The following ZNF609 variants were observed in gnomAD, a reference collection of about 807,000 sequenced individuals.
ZNF609 encodes the protein zinc finger protein 609.
A neutral mutation model predicts 109.5 loss-of-function variants in ZNF609; 11 were observed. The observed-to-expected ratio is 0.10, with a 90% CI of 0.06 to 0.17. The LOEUF is 0.17. ZNF609 is among the 10% of genes least tolerant of loss of function. The pLI, the probability that ZNF609 is intolerant of heterozygous loss-of-function variation, is 1.00. For missense variants in ZNF609, 1,559 were observed against 1,772.4 expected, an observed-to-expected ratio of 0.88 and a Z score of 2.16; for synonymous variants, 646 against 662.0, an observed-to-expected ratio of 0.98 and a Z score of 0.37.
At chr15:64,473,057 A>T (rs1893112584) in intron 1 of ZNF609, among the ~76,000 whole-genome samples, 1 of 152,050 alleles carries the variant, frequency 6.6e-6, no homozygotes, top group African/African-American at 2.4e-5. Flanking sequence ...GAAGGGAAGA[A>T]ATTTGTTTCT....
chr15:64,670,522 C>A (rs1323589209), intron 4 of ZNF609, 89 bp downstream of exon 4: 2 of 1,124,450 alleles, frequency 1.8e-6, no homozygotes, highest in East Asian at 2.4e-5. Context: ...AGTTGTACAT[C>A]CAGCTTTTAA....
chr15:64,658,941 A>AT (rs1567041322), intron 3 of ZNF609, among the ~76,000 whole-genome samples: 1 of 152,140 alleles, frequency 6.6e-6, no homozygotes, highest in Non-Finnish European at 1.5e-5. Context: ...TATAAATAGT[A>AT]TTTTTAATGG....
At chr15:64,467,673 T>C (rs914406169) in intron 1 of ZNF609, among the ~76,000 whole-genome samples, 3 of 152,146 alleles carry the variant, frequency 2.0e-5, no homozygotes, top group African/African-American at 7.2e-5. Context: ...GGTGAAATCC[T>C]GTCTCTACTA....
At chr15:64,632,177 C>T (rs1486984492) in intron 3 of ZNF609, among the ~76,000 whole-genome samples, 1 of 152,040 alleles carries the variant, frequency 6.6e-6, no homozygotes, top group East Asian at 1.9e-4. Context: ...GTCAGCCTCC[C>T]AAGTAAGTAG....
intron 2 of ZNF609, among the ~76,000 whole-genome samples, chr15:64,506,409 C>T (rs771302923): frequency 1.3e-5 from 2 of 149,974 alleles, no homozygotes; most frequent in Non-Finnish European, 3.0e-5. Flanking sequence ...AGGCATGAGC[C>T]GTCACACCCA....
intron 1 of ZNF609, among the ~76,000 whole-genome samples, chr15:64,468,479 T>A (rs891893186): frequency 1.3e-5 from 2 of 152,114 alleles, no homozygotes; most frequent in East Asian, 3.9e-4. Context: ...CTTGAACTCC[T>A]GGGCTCAAGC....
chr15:64,622,673 C>T (rs1232680927), intron 2 of ZNF609, among the ~76,000 whole-genome samples, 154 bp from the exon 3 acceptor site: 1 of 152,198 alleles, frequency 6.6e-6, no homozygotes, highest in Non-Finnish European at 1.5e-5. Flanking sequence ...GTAGTGGTAT[C>T]ATAAGCCAGA....
chr15:64,654,538 C>T (rs1216002785), intron 3 of ZNF609: 1 of 152,104 alleles, frequency 6.6e-6, no homozygotes, highest in Non-Finnish European at 1.5e-5. Flanking sequence ...TGGCCTCAAG[C>T]AATCCTTCCA....
At position 64,591,385 on chromosome 15, in the gene ZNF609, G is replaced by A. The variant is rs189020491; in HGVS notation, c.748-31442G>A. On this transcript the variant is annotated intron_variant, in intron 2 of 9. Coordinates refer to ENST00000326648, the MANE Select transcript of ZNF609 (RefSeq NM_015042.2). ...AGAGGTTGCAGTGAGCCAAGATCGC[G>A]CCACTGCACTCCAGCCTGGGCGACA... Among the ~76,000 whole-genome samples, 1,428 of 152,088 alleles carry A rather than the reference G, an allele frequency of 9.4e-3. 22 individuals carry two copies. The highest frequency in any genetic ancestry group is 0.033 in the African/African-American group (1,359 of 41,482).
At chr15:64,515,378 G>A (rs1893791158) in intron 2 of ZNF609, among the ~76,000 whole-genome samples, 1 of 152,162 alleles carries the variant, frequency 6.6e-6, no homozygotes, top group African/African-American at 2.4e-5. Context: ...TTGAAAAGCT[G>A]AGTAAAAATG....
At chr15:64,593,588 G>A (rs1230424544) in intron 2 of ZNF609, among the ~76,000 whole-genome samples, 1 of 152,104 alleles carries the variant, frequency 6.6e-6, no homozygotes, top group Non-Finnish European at 1.5e-5. Context: ...GTGCAGTGGT[G>A]CAATCACAGC....
intron 3 of ZNF609, among the ~76,000 whole-genome samples, chr15:64,666,753 T>C (rs949060783): frequency 6.6e-6 from 1 of 151,948 alleles, no homozygotes; most frequent in African/African-American, 2.4e-5. Context: ...TGACCTCAAG[T>C]GATCACTCGC....
intron 1 of ZNF609, among the ~76,000 whole-genome samples, chr15:64,483,136 C>T (rs1343045559): frequency 6.6e-6 from 1 of 151,982 alleles, no homozygotes; most frequent in East Asian, 1.9e-4. Flanking sequence ...ACTCTTATCA[C>T]CCAGGCTGGA....
rs373330665 is a variant in ZNF609 at position 64,674,671 on chromosome 15, A to G, written c.1817A>G (p.Asn606Ser). 1.3e-5 allele frequency: 21 copies of G among 1,614,204 alleles called. No homozygotes were observed. The highest frequency in any genetic ancestry group is 2.2e-5 in the East Asian group (1 of 44,884). ...GACACAGACCTTGGGGCCTTATCCA[A>G]TGATGGCTCTGATGATGGACCCTCA... ...EGDTDLGALS[N>S]DGSDDGPSVM... Residue 606 changes from asparagine (N) to serine (S), a missense_variant, in exon 5 of 10, where the codon AAT (asparagine) becomes AGT (serine). Physicochemically the swap from Asn to Ser is conservative, Grantham distance 46. Around this residue, in one of 4 missense-constraint regions of ZNF609, gnomAD observed 1,204 missense variants for 1,314.1 expected, o/e 0.92. Coordinates refer to ENST00000326648, the MANE Select transcript of ZNF609 (RefSeq NM_015042.2).
intron 3 of ZNF609, among the ~76,000 whole-genome samples, chr15:64,669,947 C>T (rs1351095296): frequency 1.3e-5 from 2 of 152,106 alleles, no homozygotes; most frequent in African/African-American, 2.4e-5. Flanking sequence ...GGATTACAGG[C>T]GTGAGCCACC....
At chr15:64,553,643 G>A (rs2140395556) in intron 2 of ZNF609, among the ~76,000 whole-genome samples, 1 of 150,828 alleles carries the variant, frequency 6.6e-6, no homozygotes, top group Non-Finnish European at 1.5e-5. Flanking sequence ...CTGTTGCCCA[G>A]GCTGGAGTGC....
intron 2 of ZNF609, among the ~76,000 whole-genome samples, chr15:64,510,751 G>A (rs935450270): frequency 4.6e-5 from 7 of 152,038 alleles, no homozygotes; most frequent in Non-Finnish European, 5.9e-5. Context: ...ACCCTAAAAT[G>A]TTTGTTGTCC....
At chr15:64,591,192 G>C (rs569059080) in intron 2 of ZNF609, among the ~76,000 whole-genome samples, 1 of 152,250 alleles carries the variant, frequency 6.6e-6, no homozygotes, top group African/African-American at 2.4e-5. Context: ...CATTTTGGGA[G>C]ACCAAGGCTG....
At chr15:64,490,499 C>T (rs1057108339) in intron 1 of ZNF609, among the ~76,000 whole-genome samples, 6 of 152,108 alleles carry the variant, frequency 3.9e-5, no homozygotes, top group Admixed American at 3.9e-4. Context: ...GTCTCGAACT[C>T]CCGACCTCAG....
Sources: gnomAD v4.1 joint callset for allele counts (sites outside exome capture counted in the v4.1 genomes callset) on GRCh38, gnomAD v4.1.1 for gene constraint, gnomAD v4.1.1 regional missense constraint, MANE v1.5 for transcripts, NCBI Gene and HGNC (gene_info 2026-07-23, HGNC 2026-07-21) for gene names.